Variants in SMARCA4 observed in about 807,000 individuals in gnomAD.
SMARCA4 encodes SWI/SNF related BAF chromatin remodeling complex subunit ATPase 4.
A neutral mutation model predicts 193.9 loss-of-function variants in SMARCA4; 31 were observed. That is an observed-to-expected ratio of 0.16 (90% confidence interval 0.12 to 0.22). The LOEUF (loss-of-function observed/expected upper bound fraction) is 0.22, where lower values mean the gene tolerates loss of function less well. Ranked by LOEUF, SMARCA4 falls within the 10% of genes least tolerant of loss-of-function variation. The probability of loss-of-function intolerance (pLI) is 1.00; values close to 1 mark genes in which losing one functional copy is unlikely to be tolerated. For missense variants in SMARCA4, 1,148 were observed against 2,296.0 expected (o/e 0.50, Z 10.22); for synonymous variants, 942 against 933.1 (o/e 1.01, Z -0.17).
intron 29 of SMARCA4, among the ~76,000 whole-genome samples, chr19:11,037,135 G>C (rs561927189): frequency 9.2e-5 from 14 of 152,208 alleles, no homozygotes; most frequent in African/African-American, 2.7e-4. Context: ...TCTTTAATAT[G>C]TGATTTCTCT....
chr19:10,986,461 A>C lies in SMARCA4; in HGVS notation c.628A>C (p.Met210Leu), dbSNP rs2086042007. Residue 210 changes from methionine to leucine, a missense_variant, in exon 4 of 35, where the codon ATG (methionine) becomes CTG (leucine). This residue lies in a region of SMARCA4 where 257 missense variants were observed against 276.5 expected (regional missense o/e 0.93). Coordinates refer to ENST00000344626, the MANE Select transcript of SMARCA4 (RefSeq NM_003072.5). The surrounding 1 kb of genome is among the most constrained non-coding windows in gnomAD (Gnocchi z 6.7). The part of the protein sequence containing the change: ...LQMAVQGKRP[M>L]PGMQQQMPTL... ...GATGGCGGTGCAGGGCAAGCGGCCG[A>C]TGCCCGGGATGCAGCAGCAGATGCC... is the stretch of plus-strand genomic sequence containing the variant. 1.9e-6 allele frequency: 3 copies of C among 1,556,944 alleles called. No homozygotes were observed. The highest frequency in any genetic ancestry group is 2.6e-6 in the Non-Finnish European group (3 of 1,151,270).
chr19:11,027,626 T>G (rs1398413566), intron 23 of SMARCA4, 158 bp from the exon 24 acceptor site: 6 of 786,686 alleles, frequency 7.6e-6, no homozygotes, highest in Non-Finnish European at 1.3e-5. Context: ...ATGGCTTTGC[T>G]GAAGCTTTGG....
At chr19:11,021,687 C>T (rs2146412909) in intron 18 of SMARCA4, 38 bp from the exon 19 acceptor site, 1 of 1,581,204 alleles carries the variant, frequency 6.3e-7, no homozygotes, top group Non-Finnish European at 8.6e-7. Context: ...GGGCCACCTG[C>T]TGCCCCCTGC....
At chr19:11,016,250 C>A (rs1210279504) in intron 16 of SMARCA4, among the ~76,000 whole-genome samples, 3 of 152,010 alleles carry the variant, frequency 2.0e-5, no homozygotes, top group Non-Finnish European at 4.4e-5. Context: ...ACAGTACAGG[C>A]CGTTCACGAG....
In SMARCA4 at chr19:11,041,230, C is replaced by A. The variant is rs2146808364; in HGVS notation, c.4171-77C>A. The A allele has an allele frequency of 1.3e-6, 2 of 1,487,782 alleles. No individual in the cohort carries two copies. The highest frequency in any genetic ancestry group is 1.8e-6 in the Non-Finnish European group (2 of 1,101,190). 92.2% of individuals were successfully genotyped at this position (1,487,782 alleles called of 1,614,324 possible). A position where few individuals can be genotyped will look rare whatever the true frequency, so the allele number is the denominator to read the frequency against. The stretch of plus-strand genomic sequence containing the variant: ...GGCCCTCCTCCGTGTCCCAGCCCGG[C>A]CCCTGGGATTGCGTCGCGGCCTCTG... On this transcript the variant is annotated intron_variant, in intron 29 of 34. Transcript: ENST00000344626. This position sits in a 1 kb window ranked among gnomAD's most constrained non-coding sequence, Gnocchi z 5.6.
Position 11,059,743 on chromosome 19 carries a change from C to G in SMARCA4, c.4636-10C>G, listed in dbSNP as rs878854228. On this transcript the variant is annotated splice_polypyrimidine_tract_variant and intron_variant, in intron 32 of 34. Transcript: ENST00000344626. ...GCCCATCCACTCAAGCCCCTGGTGT[C>G]TCTGCCCAGATCTATGAAGACTCCA... 6.4e-6 allele frequency: 10 copies of G among 1,559,430 alleles called. No individual in the cohort carries two copies. The highest frequency in any genetic ancestry group is 2.4e-5 in the South Asian group (2 of 84,652).
At chr19:10,963,264 T>C (rs1438815852) in intron 1 of SMARCA4, among the ~76,000 whole-genome samples, 1 of 149,038 alleles carries the variant, frequency 6.7e-6, no homozygotes, top group African/African-American at 2.5e-5. Context: ...TCCCAACTAC[T>C]CAGGAGGCTG....
At chr19:10,964,510 C>T (rs1026280488) in intron 1 of SMARCA4, among the ~76,000 whole-genome samples, 1 of 151,946 alleles carries the variant, frequency 6.6e-6, no homozygotes, top group East Asian at 1.9e-4. Flanking sequence ...GGGATTTCAT[C>T]ATGTTGGCCA....
rs150949949 is a variant in SMARCA4, at chr19:10,986,236, C to T, written c.403C>T (p.Pro135Ser). The change falls in exon 4 of 35, where the codon CCA (proline) becomes TCA (serine). Residue 135 changes from proline (P) to serine (S), a missense_variant. By Grantham distance (74) the Pro-to-Ser change is moderately conservative. This residue lies in a region of SMARCA4 where 201 missense variants were observed against 248.3 expected (regional missense o/e 0.81). Coordinates refer to ENST00000344626, the MANE Select transcript of SMARCA4 (RefSeq NM_003072.5). The surrounding 1 kb of genome is among the most constrained non-coding windows in gnomAD (Gnocchi z 6.7). Reference protein sequence around the residue: ...GGSEHASSPVPASGPSSGPQM... With the variant: ...GGSEHASSPVSASGPSSGPQM... ...CTCTGAGCATGCCTCTAGTCCAGTTCCAGCCAGTGGCCCGTCTTCGGGGCC... is the reference window on the plus strand; with the variant it reads ...CTCTGAGCATGCCTCTAGTCCAGTTTCAGCCAGTGGCCCGTCTTCGGGGCC... 2 of 1,613,974 alleles carry T rather than the reference C, an allele frequency of 1.2e-6. No individual in the cohort carries two copies. Among genetic ancestry groups the T allele is most frequent in the Non-Finnish European group, 1.7e-6 (2 of 1,180,012 alleles).
At chr19:10,970,531 C>T (rs2084589459) in intron 1 of SMARCA4, among the ~76,000 whole-genome samples, 1 of 152,176 alleles carries the variant, frequency 6.6e-6, no homozygotes, top group African/African-American at 2.4e-5. Flanking sequence ...GTCATGCTCC[C>T]GAGTAGCTGG....
chr19:11,028,551 CTG>C (rs775698326), intron 24 of SMARCA4, among the ~76,000 whole-genome samples: 6 of 152,358 alleles, frequency 3.9e-5, no homozygotes, highest in Admixed American at 2.0e-4. Context: ...GAATCAGACT[CTG>C]TGGTGAGCAC....
rs1319047096 is a variant in SMARCA4 at position 10,989,371 on chromosome 19, C to G, written c.1173C>G (p.Ser391=). ...RIQELENLPG[S]LAGDLRTKAT... is the part of the protein sequence containing the mutation. ...AGGAACTTGAAAACCTTCCCGGGTC[C>G]CTGGCCGGGGATTTGCGAACCAAAG... is the stretch of plus-strand genomic sequence containing the variant. Residue 391 remains serine, a synonymous_variant, in exon 7 of 35, where the codon TCC becomes TCG. Coordinates refer to ENST00000344626, the MANE Select transcript of SMARCA4 (RefSeq NM_003072.5). 3.1e-6 allele frequency: 5 copies of G among 1,614,144 alleles called. No homozygotes were observed. The highest frequency in any genetic ancestry group is 4.2e-6 in the Non-Finnish European group (5 of 1,179,988).
chr19:10,980,424 G>C (rs2085467628), intron 1 of SMARCA4, among the ~76,000 whole-genome samples: 1 of 152,164 alleles, frequency 6.6e-6, no homozygotes, highest in African/African-American at 2.4e-5. Flanking sequence ...GTTCCTGGAG[G>C]CTGTGACGGC....
intron 1 of SMARCA4, among the ~76,000 whole-genome samples, chr19:10,962,345 C>T (rs2083878105): frequency 6.6e-6 from 1 of 152,008 alleles, no homozygotes; most frequent in South Asian, 2.1e-4. Context: ...GTTGGATGGT[C>T]GGGGGTTGGA....
chr19:10,986,498 C>T lies in SMARCA4; in HGVS notation c.665C>T (p.Pro222Leu), dbSNP rs533671711. ...CAGCAGCAGATGCCAACGCTACCTC[C>T]ACCCTCGGTGTCCGCAACAGGACCC... ...GMQQQMPTLP[P>L]PSVSATGPGP... is the part of the protein sequence containing the mutation. Residue 222 changes from proline (P) to leucine (L), a missense_variant, in exon 4 of 35, where the codon CCA (proline) becomes CTA (leucine). Physicochemically the swap from Pro to Leu is moderately conservative, Grantham distance 98. Around this residue, in one of 17 missense-constraint regions of SMARCA4, gnomAD observed 257 missense variants for 276.5 expected, o/e 0.93. Transcript: ENST00000344626. The surrounding 1 kb of genome is among the most constrained non-coding windows in gnomAD (Gnocchi z 6.7). 1.5e-5 allele frequency: 23 copies of T among 1,548,088 alleles called. No individual in the cohort carries two copies. The East Asian group carries it at 5.1e-4, about 34-fold the overall frequency.
chr19:11,025,331 T>C, intron 21 of SMARCA4, 91 bp from the exon 22 acceptor site: 1 of 823,212 alleles, frequency 1.2e-6, no homozygotes, highest in Non-Finnish European at 2.1e-6. Flanking sequence ...AGCGTCCCCA[T>C]GGCCCTTCTC....
intron 16 of SMARCA4, among the ~76,000 whole-genome samples, chr19:11,014,693 C>T (rs1312595849): frequency 6.6e-6 from 1 of 152,212 alleles, no homozygotes; most frequent in Non-Finnish European, 1.5e-5. Context: ...CTCAGATCAC[C>T]ATCTCTGCTG....
At chr19:11,053,649 C>A (rs1330080009) in intron 30 of SMARCA4, among the ~76,000 whole-genome samples, 3 of 152,110 alleles carry the variant, frequency 2.0e-5, no homozygotes, top group Non-Finnish European at 4.4e-5. Flanking sequence ...GTGACTCACA[C>A]CTGTAATTCC....
Position 10,987,230 on chromosome 19 carries a change from G to T in SMARCA4, c.859+227G>T, listed in dbSNP as rs890670839. 6.6e-6 allele frequency among the ~76,000 whole-genome samples: 1 copy of T among 152,292 alleles called. No individual in the cohort carries two copies. Among genetic ancestry groups the T allele is most frequent in the South Asian group, 2.1e-4 (1 of 4,828 alleles). On this transcript the variant is annotated intron_variant, in intron 5 of 34. Transcript: ENST00000344626. This position sits in a 1 kb window ranked among gnomAD's most constrained non-coding sequence, Gnocchi z 5.3. The stretch of plus-strand genomic sequence containing the variant: ...CTTGTGGCCTTCACCCAGTCCCTGA[G>T]CCCTGTATATGTAATTGCTCAGTAA...
Sources: gnomAD v4.1 joint callset for allele counts (sites outside exome capture counted in the v4.1 genomes callset) on GRCh38, gnomAD v4.1.1 for gene constraint, gnomAD v4.1.1 regional missense constraint, Gnocchi (gnomAD v3.1) non-coding constraint, MANE v1.5 for transcripts, NCBI Gene and HGNC (gene_info 2026-07-23, HGNC 2026-07-21) for gene names.